XXYLT1: variants seen among roughly 807,000 people sequenced by gnomAD.
XXYLT1 encodes xyloside xylosyltransferase 1.
XXYLT1 carries 20 observed loss-of-function variants against 28.9 expected under a neutral mutation model. That is an observed-to-expected ratio of 0.69 (90% CI 0.49 to 1.00). The LOEUF (loss-of-function observed/expected upper bound fraction) is 1.00. XXYLT1 is among the 50% of genes least tolerant of loss of function. The probability of loss-of-function intolerance (pLI) is 0.00; values close to 1 mark genes in which losing one functional copy is unlikely to be tolerated. For missense variants in XXYLT1, 542 were observed against 560.1 expected (o/e 0.97, Z 0.33); for synonymous variants, 257 against 253.8 (o/e 1.01, Z -0.12).
At chr3:195,073,870 C>T (rs1040904656) in intron 3 of XXYLT1, among the ~76,000 whole-genome samples, 4 of 152,198 alleles carry the variant, frequency 2.6e-5, no homozygotes, top group Non-Finnish European at 4.4e-5. Flanking sequence ...AAAAGGGCAT[C>T]TGAAGTCATT....
intron 3 of XXYLT1, among the ~76,000 whole-genome samples, chr3:195,098,253 T>C (rs144044869): frequency 9.1e-4 from 138 of 152,306 alleles, no homozygotes; most frequent in Middle Eastern, 3.4e-3. Flanking sequence ...GACTGTACAC[T>C]TCAAAACGGT....
chr3:195,200,704 C>T (rs763965755), intron 2 of XXYLT1, among the ~76,000 whole-genome samples: 26 of 152,152 alleles, frequency 1.7e-4, no homozygotes, highest in Non-Finnish European at 4.4e-5. Context: ...CTAAATTAGG[C>T]GGGAAGAAGT....
chr3:195,111,102 C>G (rs983080161), intron 3 of XXYLT1, among the ~76,000 whole-genome samples: 1 of 152,040 alleles, frequency 6.6e-6, no homozygotes, highest in Admixed American at 6.5e-5. Context: ...GCTGCGAGGC[C>G]GAGCCTGTTC....
At chr3:195,108,477 G>T (rs575083748) in intron 3 of XXYLT1, among the ~76,000 whole-genome samples, 13 of 152,096 alleles carry the variant, frequency 8.5e-5, no homozygotes, top group Non-Finnish European at 1.9e-4. Context: ...TTTACAAATC[G>T]TAAAGAAAAA....
In XXYLT1 at chr3:195,076,589, G is replaced by T. The variant is rs527465351; in HGVS notation, c.786-6478C>A. On this transcript the variant is annotated intron_variant, in intron 3 of 3. Transcript: ENST00000310380. The surrounding 1 kb of genome is among the most constrained non-coding windows in gnomAD (Gnocchi z 5.3). ...CTGCCATCGCAAAGTACCACCAATG[G>T]GGCGGCTTCAGCAGCAGAAAGGTGC... 1.6e-4 allele frequency among the ~76,000 whole-genome samples: 25 copies of T among 152,144 alleles called. No individual in the cohort carries two copies. The highest frequency in any genetic ancestry group is 2.6e-4 in the Non-Finnish European group (18 of 68,024).
chr3:195,175,695 C>A, intron 2 of XXYLT1: 2 of 1,536,144 alleles, frequency 1.3e-6, no homozygotes, highest in Non-Finnish European at 1.7e-6. Context: ...GGCTGATGGA[C>A]TATGAGCAGA....
At chr3:195,151,266 A>G (rs13315459) in intron 3 of XXYLT1, among the ~76,000 whole-genome samples, 38,156 of 152,144 alleles carry the variant, frequency 0.25, 5,590 homozygotes, top group East Asian at 0.57. Flanking sequence ...TTTCAGGGTC[A>G]GGTGTGGTGG....
At chr3:195,145,379 T>A (rs1465993821) in intron 3 of XXYLT1, among the ~76,000 whole-genome samples, 2 of 145,568 alleles carry the variant, frequency 1.4e-5, no homozygotes, top group Non-Finnish European at 3.0e-5. Flanking sequence ...CTGGCACTGA[T>A]GGGGCCCTGC....
chr3:195,105,145 C>T (rs1217509325), intron 3 of XXYLT1, among the ~76,000 whole-genome samples: 1 of 152,168 alleles, frequency 6.6e-6, no homozygotes, highest in East Asian at 1.9e-4. Context: ...CAAATACTAT[C>T]ACAAGAATGA....
chr3:195,247,799 G>GA (rs1725091833), intron 1 of XXYLT1: 1 of 702,606 alleles, frequency 1.4e-6, no homozygotes, highest in Admixed American at 2.0e-5. Flanking sequence ...GAGGCCTCAG[G>GA]AAACACACAA....
intron 1 of XXYLT1, among the ~76,000 whole-genome samples, chr3:195,267,140 A>G (rs1725871180): frequency 6.6e-6 from 1 of 152,260 alleles, no homozygotes. Context: ...AGGTGTTTCT[A>G]TGCCACTTGA....
At chr3:195,131,217 C>A (rs1718893920) in intron 3 of XXYLT1, among the ~76,000 whole-genome samples, 1 of 152,192 alleles carries the variant, frequency 6.6e-6, no homozygotes. Flanking sequence ...GCTCAAACAC[C>A]CTAGACTCAG....
rs1030902968 is a variant in XXYLT1 at position 195,076,334 on chromosome 3, G to A, written c.786-6223C>T. ...GAGGAAGAAGCCCGCACGGGGTCAC[G>A]GGGCCGACTGCGGCACAGACATTGG... On this transcript the variant is annotated intron_variant, in intron 3 of 3. Coordinates refer to ENST00000310380, the MANE Select transcript of XXYLT1 (RefSeq NM_152531.5). The surrounding 1 kb of genome is among the most constrained non-coding windows in gnomAD (Gnocchi z 5.3). Among the ~76,000 whole-genome samples the A allele has an allele frequency of 4.1e-5, 6 of 145,048 alleles. No individual in the cohort carries two copies. Among genetic ancestry groups the A allele is most frequent in the African/African-American group, 1.2e-4 (5 of 40,120 alleles).
chr3:195,244,849 TCAAAAAAAAAAAAAA>T (rs1224174431), intron 1 of XXYLT1, among the ~76,000 whole-genome samples: 4 of 109,766 alleles, frequency 3.6e-5, no homozygotes, highest in Non-Finnish European at 7.7e-5. Context: ...AGACTCTGTC[TCAAAAAAAAAAAAAA>T]CAAAAAAAAA....
chr3:195,185,343 C>A (rs187229787), intron 2 of XXYLT1, among the ~76,000 whole-genome samples: 84 of 152,122 alleles, frequency 5.5e-4, no homozygotes, highest in Admixed American at 3.2e-3. Flanking sequence ...GAACATGAAA[C>A]TTGGAGCACA....
chr3:195,095,625 C>T (rs1165369247), intron 3 of XXYLT1: 16 of 153,858 alleles, frequency 1.0e-4, no homozygotes, highest in Non-Finnish European at 1.5e-5. Flanking sequence ...TGTGCTTATG[C>T]GTGAGCAACA....
intron 2 of XXYLT1, among the ~76,000 whole-genome samples, chr3:195,157,069 C>G (rs916245080): frequency 6.6e-6 from 1 of 151,798 alleles, no homozygotes. Flanking sequence ...ATTGTGAAAC[C>G]CTGTCTCTAC....
intron 3 of XXYLT1, among the ~76,000 whole-genome samples, chr3:195,088,143 A>G (rs1351793557): frequency 2.7e-5 from 4 of 147,634 alleles, no homozygotes; most frequent in Non-Finnish European, 6.0e-5. Context: ...TGATTAGGTA[A>G]ACAAAGCAGC....
intron 3 of XXYLT1, among the ~76,000 whole-genome samples, chr3:195,130,193 C>G (rs1182874249): frequency 1.2e-4 from 19 of 152,160 alleles, no homozygotes; most frequent in Admixed American, 1.2e-3. Flanking sequence ...GATCTGTGGT[C>G]CCTCTCTGAG....
Sources: allele counts gnomAD v4.1 joint callset (sites outside exome capture counted in the v4.1 genomes callset), GRCh38; gene constraint gnomAD v4.1.1; non-coding constraint Gnocchi (gnomAD v3.1); transcripts MANE v1.5; gene names NCBI Gene and HGNC (gene_info 2026-07-23, HGNC 2026-07-21).